MCM10: variants seen among roughly 807,000 people sequenced by gnomAD.
MCM10 encodes protein MCM10 homolog.
MCM10 carries 91 observed loss-of-function variants against 109.9 expected under a neutral mutation model. That is an observed-to-expected ratio of 0.83 (90% CI 0.70 to 0.99). The LOEUF is 0.99. Ranked by LOEUF, MCM10 falls within the 50% of genes least tolerant of loss-of-function variation. MCM10 has a pLI of 0.00. For missense variants in MCM10, 1,077 were observed against 1,061.2 expected, an observed-to-expected ratio of 1.01 and a Z score of -0.21; for synonymous variants, 380 against 387.2, an observed-to-expected ratio of 0.98 and a Z score of 0.22.
intron 11 of MCM10, 45 bp downstream of exon 11, chr10:13,191,444 A>G: frequency 6.7e-7 from 1 of 1,501,184 alleles, no homozygotes; most frequent in Non-Finnish European, 9.3e-7. Flanking sequence ...CAGTTTAATT[A>G]TGCAGCCTTA....
intron 5 of MCM10, among the ~76,000 whole-genome samples, chr10:13,173,614 C>T (rs182811476): frequency 1.1e-4 from 16 of 152,284 alleles, no homozygotes; most frequent in African/African-American, 2.9e-4. Context: ...ATTGGCTGCA[C>T]GTGTTTGGAA....
chr10:13,175,737 C>A, intron 6 of MCM10, 56 bp downstream of exon 6: 2 of 1,266,068 alleles, frequency 1.6e-6, no homozygotes, highest in South Asian at 2.8e-5. Flanking sequence ...TTGTGCCTCT[C>A]GGAGTCCTTT....
intron 2 of MCM10, among the ~76,000 whole-genome samples, chr10:13,166,657 C>A (rs200058349): frequency 1.9e-3 from 38 of 19,956 alleles, no homozygotes; most frequent in Non-Finnish European, 4.1e-3. Flanking sequence ...AAAATACATA[C>A]ATACATATAT....
At position 13,182,888 on chromosome 10, in the gene MCM10, C is replaced by T. The variant is rs1277798807; in HGVS notation, c.931-45C>T. The T allele has an allele frequency of 2.0e-6, 3 of 1,477,118 alleles. No individual in the cohort carries two copies. The highest frequency in any genetic ancestry group is 3.6e-5 in the Admixed American group (2 of 55,702). The allele number at this position is 1,477,118 out of a possible 1,614,324, so 91.5% of individuals were successfully genotyped here. On this transcript the variant is annotated intron_variant, in intron 7 of 19. Coordinates refer to ENST00000378714, the MANE Select transcript of MCM10 (RefSeq NM_018518.5). The surrounding 1 kb of genome is among the most constrained non-coding windows in gnomAD (Gnocchi z 4.2). The stretch of plus-strand genomic sequence containing the variant: ...ACTCTTGAATCATAAATGAGGACGG[C>T]ATAACCTACAGTTCAAAATTATAAA...
At chr10:13,196,192 C>T (rs766905827) in intron 14 of MCM10, among the ~76,000 whole-genome samples, 1 of 152,166 alleles carries the variant, frequency 6.6e-6, no homozygotes, top group Non-Finnish European at 1.5e-5. Context: ...AGGCATGAGC[C>T]ACTGTGCCTA....
rs777216215 is a variant in MCM10 at position 13,197,773 on chromosome 10, G to T, written c.2119+6G>T. On this transcript the variant is annotated splice_donor_region_variant and intron_variant, in intron 15 of 19. Coordinates refer to ENST00000378714, the MANE Select transcript of MCM10 (RefSeq NM_018518.5). ...CACCATGTTTTCTTCTCAAGGTACTGCAGTTTCACAGTTAACAGTGGGAAA... is the reference window on the plus strand; with the variant it reads ...CACCATGTTTTCTTCTCAAGGTACTTCAGTTTCACAGTTAACAGTGGGAAA... 2.5e-5 allele frequency: 40 copies of T among 1,606,666 alleles called. No homozygotes were observed. The highest frequency in any genetic ancestry group is 3.4e-5 in the Non-Finnish European group (40 of 1,178,364).
intron 15 of MCM10, 26 bp from the exon 16 acceptor site, chr10:13,198,663 G>A: frequency 6.7e-7 from 1 of 1,496,170 alleles, no homozygotes; most frequent in Non-Finnish European, 9.3e-7. Context: ...CTTGGTCGCT[G>A]CTAATGTTTG....
intron 6 of MCM10, among the ~76,000 whole-genome samples, chr10:13,177,508 CTTTTTT>C (rs60316855): frequency 3.8e-5 from 4 of 105,266 alleles, no homozygotes; most frequent in African/African-American, 8.1e-5. Flanking sequence ...GATTTTGGAG[CTTTTTT>C]TTTTTTTTTT....
intron 18 of MCM10, among the ~76,000 whole-genome samples, chr10:13,205,642 A>G (rs555095349): frequency 6.6e-6 from 1 of 152,348 alleles, no homozygotes; most frequent in South Asian, 2.1e-4. Context: ...CATTCCCACC[A>G]GTGTGAGCAT....
rs1018172118 is a variant in MCM10, at chr10:13,182,455, G to A, written c.931-478G>A. Among the ~76,000 whole-genome samples the A allele has an allele frequency of 1.3e-5, 2 of 152,080 alleles. No individual in the cohort carries two copies. The highest frequency in any genetic ancestry group is 4.1e-4 in the South Asian group (2 of 4,828). ...TGCACCACTGCACTCCAACCTGGAT[G>A]ACAGAGCAAGACTCTGTCTCTAAAA... On this transcript the variant is annotated intron_variant, in intron 7 of 19. Coordinates refer to ENST00000378714, the MANE Select transcript of MCM10 (RefSeq NM_018518.5). This position sits in a 1 kb window ranked among gnomAD's most constrained non-coding sequence, Gnocchi z 4.2.
rs757115215 is a variant in MCM10 at position 13,201,524 on chromosome 10, C to T, written c.2342C>T (p.Thr781Ile). Residue 781 changes from threonine (T) to isoleucine (I), a missense_variant, in exon 17 of 20, where the codon ACA becomes ATA. Physicochemically the swap from Thr to Ile is moderately conservative, Grantham distance 89. Coordinates refer to ENST00000378714, the MANE Select transcript of MCM10 (RefSeq NM_018518.5). ...AGAGAAGTGAAGTGCCGTGTCGTGA[C>T]ATGCAAGACGGTGGGTGAAGGTGGG... ...NIREVKCRVV[T>I]CKTCAYTHFK... The T allele has an allele frequency of 6.2e-7, 1 of 1,608,674 alleles. No individual in the cohort carries two copies. Among genetic ancestry groups the T allele is most frequent in the Non-Finnish European group, 8.5e-7 (1 of 1,177,298 alleles).
intron 9 of MCM10, among the ~76,000 whole-genome samples, chr10:13,188,191 C>A (rs1834299648): frequency 6.6e-6 from 1 of 152,098 alleles, no homozygotes; most frequent in South Asian, 2.1e-4. Flanking sequence ...CCCAGCAGAA[C>A]AATGCTGCAC....
At chr10:13,163,661 G>A (rs909343542) in intron 1 of MCM10, among the ~76,000 whole-genome samples, 3 of 151,394 alleles carry the variant, frequency 2.0e-5, no homozygotes, top group African/African-American at 7.3e-5. Flanking sequence ...TGAAAGAATA[G>A]CCTAATGTAG....
intron 3 of MCM10, among the ~76,000 whole-genome samples, chr10:13,171,939 T>A (rs967777075): frequency 2.6e-5 from 4 of 151,810 alleles, no homozygotes; most frequent in Non-Finnish European, 5.9e-5. Context: ...TAATTTTTTT[T>A]ATTTTTTTTA....
intron 2 of MCM10, among the ~76,000 whole-genome samples, chr10:13,166,688 A>ATATATATATATATC (rs1435674336): frequency 1.5e-5 from 2 of 135,946 alleles, no homozygotes; most frequent in African/African-American, 6.1e-5. Context: ...ATATATATAT[A>ATATATATATATATC]TCATCAGCTA....
intron 16 of MCM10, among the ~76,000 whole-genome samples, chr10:13,199,994 T>C: frequency 6.6e-6 from 1 of 152,036 alleles, no homozygotes; most frequent in South Asian, 2.1e-4. Flanking sequence ...TGGGGAGGTT[T>C]TGTTTTTTTT....
intron 16 of MCM10, among the ~76,000 whole-genome samples, chr10:13,199,981 G>T (rs1041175221): frequency 6.6e-6 from 1 of 151,994 alleles, no homozygotes; most frequent in Admixed American, 6.6e-5. Context: ...TTTTGGTGGG[G>T]GTTGGGGAGG....
intron 18 of MCM10, among the ~76,000 whole-genome samples, chr10:13,206,203 CTG>C (rs1331182602): frequency 6.6e-6 from 1 of 152,172 alleles, no homozygotes; most frequent in Non-Finnish European, 1.5e-5. Flanking sequence ...TCACTCGGCT[CTG>C]TGTTTGTAGG....
chr10:13,193,437 T>C (rs936347661), intron 13 of MCM10, among the ~76,000 whole-genome samples: 4 of 152,166 alleles, frequency 2.6e-5, no homozygotes, highest in Admixed American at 2.6e-4. Flanking sequence ...ACACAGTATC[T>C]GAGCCTCCGG....
Sources: allele counts gnomAD v4.1 joint callset (sites outside exome capture counted in the v4.1 genomes callset), GRCh38; gene constraint gnomAD v4.1.1; non-coding constraint Gnocchi (gnomAD v3.1); transcripts MANE v1.5; gene names NCBI Gene and HGNC (gene_info 2026-07-23, HGNC 2026-07-21).